Variants in ZNF558 observed in about 807,000 individuals in gnomAD.
ZNF558 encodes zinc finger protein 558.
Under a neutral mutation model 37.6 loss-of-function variants are expected in ZNF558, and 23 were observed. That is an observed-to-expected ratio of 0.61 (90% CI 0.44 to 0.87). The LOEUF (loss-of-function observed/expected upper bound fraction) is 0.87. Ranked by LOEUF, ZNF558 falls within the 40% of genes least tolerant of loss-of-function variation. The pLI, the probability that ZNF558 is intolerant of heterozygous loss-of-function variation, is 0.00. For synonymous variants in ZNF558, 189 were observed against 174.4 expected (o/e 1.08, Z -0.66); for missense variants, 429 against 483.7 (o/e 0.89, Z 1.06).
chr19:8,827,349 A>C lies in ZNF558; in HGVS notation c.-508-2241T>G, dbSNP rs918424056. 2.0e-5 allele frequency among the ~76,000 whole-genome samples: 3 copies of C among 152,192 alleles called. No homozygotes were observed. In the South Asian group the frequency reaches 6.2e-4, roughly 32 times the overall value. ...TTTTGGGAGCAATCATCTGATTCCT[A>C]AACTACCTCCAAACACCCCCTCTTT... On this transcript the variant is annotated intron_variant, in intron 2 of 9. Coordinates refer to ENST00000601372, the MANE Select transcript of ZNF558 (RefSeq NM_144693.3).
chr19:8,834,946 A>AT (rs2044438703), upstream of ZNF558, among the ~76,000 whole-genome samples: 4 of 152,214 alleles, frequency 2.6e-5, no homozygotes, highest in Admixed American at 2.6e-4. Flanking sequence ...GACTGGGTGA[A>AT]GACATTTACA....
Position 8,821,204 on chromosome 19 carries a change from T to C in ZNF558, c.223A>G (p.Asn75Asp). ...CCTAGTGAGGCCAGGTTCCTGCAGTTCTCCAGCATCACATCCCTGTACAGT... is the reference window on the plus strand; with the variant it reads ...CCTAGTGAGGCCAGGTTCCTGCAGTCCTCCAGCATCACATCCCTGTACAGT... ...RTLYRDVMLE[N>D]CRNLASLGCR... Residue 75 changes from asparagine (N) to aspartate (D), a missense_variant, in exon 7 of 10, where the codon AAC becomes GAC. Transcript: ENST00000601372. The C allele has an allele frequency of 6.2e-7, 1 of 1,614,084 alleles. No homozygotes were observed. Among genetic ancestry groups the C allele is most frequent in the Non-Finnish European group, 8.5e-7 (1 of 1,179,958 alleles).
At chr19:8,832,722 G>A (rs901962368), upstream of ZNF558, among the ~76,000 whole-genome samples, 1 of 151,880 alleles carries the variant, frequency 6.6e-6, no homozygotes, top group Non-Finnish European at 1.5e-5. Context: ...AGTTCTCGGG[G>A]CGGATGGTAT....
chr19:8,824,926 A>G (rs1472480719), intron 3 of ZNF558, 76 bp downstream of exon 3: 1 of 152,280 alleles, frequency 6.6e-6, no homozygotes, highest in Non-Finnish European at 1.5e-5. Flanking sequence ...CTGAGTCCTC[A>G]CACGGTGCAA....
chr19:8,825,793 T>C (rs1386758915), intron 2 of ZNF558, among the ~76,000 whole-genome samples: 1 of 152,088 alleles, frequency 6.6e-6, no homozygotes, highest in Admixed American at 6.6e-5. Context: ...GGTAGACAGA[T>C]GATTAACTTC....
At position 8,810,354 on chromosome 19, in the gene ZNF558, G is replaced by A. The variant is rs1489613226; in HGVS notation, c.*927C>T. The A allele has an allele frequency of 1.3e-5, 2 of 152,194 alleles. No individual in the cohort carries two copies. Among genetic ancestry groups the A allele is most frequent in the African/African-American group, 4.8e-5 (2 of 41,454 alleles). 9.4% of individuals were successfully genotyped at this position (152,194 alleles called of 1,614,324 possible). Reference sequence around the variant, plus strand: ...GTGTTGTTCCATTGTGTGATTTCCAGTGCGTCTTAAGGGATGACTGTCACT... The same window carrying A: ...GTGTTGTTCCATTGTGTGATTTCCAATGCGTCTTAAGGGATGACTGTCACT... On this transcript the variant is annotated 3_prime_UTR_variant, in exon 10 of 10. Coordinates refer to ENST00000601372, the MANE Select transcript of ZNF558 (RefSeq NM_144693.3).
chr19:8,834,164 T>G (rs2044426608), upstream of ZNF558, among the ~76,000 whole-genome samples: 1 of 152,204 alleles, frequency 6.6e-6, no homozygotes, highest in Non-Finnish European at 1.5e-5. Context: ...TAGTTAGATC[T>G]CTGCTTCCCA....
upstream of ZNF558, chr19:8,833,167 A>G (rs1400340580): frequency 6.6e-6 from 1 of 152,278 alleles, no homozygotes; most frequent in Non-Finnish European, 1.5e-5. Context: ...GGGAGATCAG[A>G]TTCAGGGGTA....
chr19:8,834,246 G>A (rs1330740419), upstream of ZNF558, among the ~76,000 whole-genome samples: 3 of 152,130 alleles, frequency 2.0e-5, no homozygotes, highest in Non-Finnish European at 4.4e-5. Context: ...AATATACTAG[G>A]AAAGTTCACT....
At position 8,811,517 on chromosome 19, in the gene ZNF558, A is replaced by T. The variant is rs1555767978; in HGVS notation, c.973T>A (p.Cys325Ser). 1 of 1,614,016 alleles carries T rather than the reference A, an allele frequency of 6.2e-7. No homozygotes were observed. The highest frequency in any genetic ancestry group is 1.1e-5 in the South Asian group (1 of 91,070). Residue 325 changes from cysteine (C) to serine (S), a missense_variant, in exon 10 of 10, where the codon TGT becomes AGT. Physicochemically the swap from Cys to Ser is moderately radical, Grantham distance 112 (BLOSUM62 -1). Coordinates refer to ENST00000601372, the MANE Select transcript of ZNF558 (RefSeq NM_144693.3). The part of the protein sequence containing the change: ...TGEKPYECNE[C>S]GKSFSSSFSL... ...AAGCTACTGCTGAAGGATTTCCCACACTCGTTACATTCATAGGGTTTTTCT... is the reference window on the plus strand; with the variant it reads ...AAGCTACTGCTGAAGGATTTCCCACTCTCGTTACATTCATAGGGTTTTTCT...
rs73920325 is a variant in ZNF558, at chr19:8,814,009, C to T, written c.248-787G>A. 5.4e-3 allele frequency among the ~76,000 whole-genome samples: 828 copies of T among 152,260 alleles called. 14 individuals carry two copies. The highest frequency in any genetic ancestry group is 0.019 in the African/African-American group (784 of 41,534). On this transcript the variant is annotated intron_variant, in intron 7 of 9. Transcript: ENST00000601372. The stretch of plus-strand genomic sequence containing the variant: ...TGATGACAGTGACAGTGGTGGAGGA[C>T]GGAATTCCAAACGTTCATCCCTCCA...
rs2044095473 is a variant in ZNF558 at position 8,821,686 on chromosome 19, G to A, written c.120+317C>T. On this transcript the variant is annotated intron_variant, in intron 6 of 9. Transcript: ENST00000601372. Reference sequence around the variant, plus strand: ...ATGGCAGAAAGCAGAGAAATACTTGGTAAGTGAATGACTGATTTCCGTGGC... The same window carrying A: ...ATGGCAGAAAGCAGAGAAATACTTGATAAGTGAATGACTGATTTCCGTGGC... 3 of 1,302,496 alleles carry A rather than the reference G, an allele frequency of 2.3e-6. No individual in the cohort carries two copies. In the South Asian group the frequency reaches 5.5e-5, roughly 24 times the overall value. 80.7% of individuals were successfully genotyped at this position (1,302,496 alleles called of 1,614,324 possible). A position where few individuals can be genotyped will look rare whatever the true frequency, so the allele number is the denominator to read the frequency against.
At chr19:8,833,848 G>A (rs552962051), upstream of ZNF558, among the ~76,000 whole-genome samples, 13 of 152,080 alleles carry the variant, frequency 8.5e-5, no homozygotes, top group Admixed American at 2.6e-4. Flanking sequence ...TTAGCCGGGC[G>A]TGGTGGCGGA....
chr19:8,828,149 C>T (rs990417420), intron 2 of ZNF558, among the ~76,000 whole-genome samples: 1 of 152,158 alleles, frequency 6.6e-6, no homozygotes, highest in African/African-American at 2.4e-5. Context: ...AGGGAAATTC[C>T]GAGCATCCAG....
the ZNF558 span, among the ~76,000 whole-genome samples, chr19:8,837,335 G>T: frequency 6.6e-6 from 1 of 152,150 alleles, no homozygotes; most frequent in Non-Finnish European, 1.5e-5. Flanking sequence ...AATAAGTACT[G>T]GTGTAGCCGT....
chr19:8,823,286 ACTC>A (rs772323539), intron 4 of ZNF558, among the ~76,000 whole-genome samples: 37 of 144,768 alleles, frequency 2.6e-4, no homozygotes, highest in Non-Finnish European at 5.2e-4. Context: ...CACGGCGTTC[ACTC>A]CTTTTTTCTC....
At chr19:8,817,693 G>T (rs1366270306) in intron 7 of ZNF558, among the ~76,000 whole-genome samples, 1 of 152,038 alleles carries the variant, frequency 6.6e-6, no homozygotes, top group Non-Finnish European at 1.5e-5. Context: ...GGCCAATAGT[G>T]AAAGAATGGA....
At chr19:8,823,146 T>C (rs2145262958) in intron 4 of ZNF558, among the ~76,000 whole-genome samples, 1 of 151,980 alleles carries the variant, frequency 6.6e-6, no homozygotes, top group South Asian at 2.1e-4. Flanking sequence ...GGGCCCTTTG[T>C]TCCTTCTCTC....
In ZNF558 at chr19:8,811,409, A is replaced by G; in HGVS notation, c.1081T>C (p.Ser361Pro). The G allele has an allele frequency of 6.2e-7, 1 of 1,614,128 alleles. No individual in the cohort carries two copies. Among genetic ancestry groups the G allele is most frequent in the Non-Finnish European group, 8.5e-7 (1 of 1,180,006 alleles). ...SDCGKAFNNLSAVKKHLRTHT... is the reference protein window; with the variant it reads ...SDCGKAFNNLPAVKKHLRTHT... ...GTTCTTAAGTGTTTCTTCACAGCTG[A>G]GAGATTATTAAAGGCTTTTCCACAG... is the stretch of plus-strand genomic sequence containing the variant. The change falls in exon 10 of 10, where the codon TCA becomes CCA. Residue 361 changes from serine (S) to proline (P), a missense_variant. Physicochemically the swap from Ser to Pro is moderately conservative, Grantham distance 74. Transcript: ENST00000601372.
Sources: gnomAD v4.1 joint callset for allele counts (sites outside exome capture counted in the v4.1 genomes callset) on GRCh38, gnomAD v4.1.1 for gene constraint, MANE v1.5 for transcripts, NCBI Gene and HGNC (gene_info 2026-07-23, HGNC 2026-07-21) for gene names.